WWOX: variants seen among roughly 807,000 people sequenced by gnomAD.
The protein encoded by WWOX is WW domain containing oxidoreductase.
Under a neutral mutation model 46.2 loss-of-function variants are expected in WWOX, and 69 were observed. That is an observed-to-expected ratio of 1.49 (90% CI 1.23 to 1.82). The LOEUF (loss-of-function observed/expected upper bound fraction) is 1.82. Among genes scored for constraint, WWOX ranks in the 40% most tolerant of loss-of-function variants. The pLI, the probability that WWOX is intolerant of heterozygous loss-of-function variation, is 0.00. For synonymous variants in WWOX, 359 were observed against 202.6 expected (o/e 1.77, Z -6.56); for missense variants, 919 against 542.6 (o/e 1.69, Z -6.89).
intron 8 of WWOX, among the ~76,000 whole-genome samples, chr16:78,820,348 G>GCCCTGAAT (rs2051460247): frequency 6.6e-6 from 1 of 152,174 alleles, no homozygotes; most frequent in East Asian, 1.9e-4. Flanking sequence ...TGGAAGTGGT[G>GCCCTGAAT]CCCTGAATAC....
At chr16:78,711,272 T>TA (rs2048439481) in intron 8 of WWOX, among the ~76,000 whole-genome samples, 1 of 152,176 alleles carries the variant, frequency 6.6e-6, no homozygotes, top group South Asian at 2.1e-4. Context: ...ATATATACGT[T>TA]AAAAAATATC....
intron 8 of WWOX, among the ~76,000 whole-genome samples, chr16:78,570,230 G>C (rs1208828049): frequency 1.3e-5 from 2 of 152,172 alleles, no homozygotes; most frequent in African/African-American, 4.8e-5. Flanking sequence ...CTACGGGTCT[G>C]GGGCCCAAGT....
chr16:79,046,739 C>A (rs1165769800), intron 8 of WWOX, among the ~76,000 whole-genome samples: 1 of 152,306 alleles, frequency 6.6e-6, no homozygotes, highest in African/African-American at 2.4e-5. Context: ...CCACCTCTTT[C>A]TCTCAAAAAG....
chr16:78,542,845 C>T (rs1429416170), intron 8 of WWOX, among the ~76,000 whole-genome samples: 1 of 152,144 alleles, frequency 6.6e-6, no homozygotes, highest in Non-Finnish European at 1.5e-5. Flanking sequence ...ATGGGATTCT[C>T]AGTTAAAACC....
intron 6 of WWOX, among the ~76,000 whole-genome samples, chr16:78,423,019 G>T (rs1241894848): frequency 6.6e-6 from 1 of 151,720 alleles, no homozygotes; most frequent in African/African-American, 2.4e-5. Context: ...CCAAGTAGCT[G>T]GGATTACAGG....
chr16:78,381,274 C>G (rs2081951871), intron 5 of WWOX, among the ~76,000 whole-genome samples: 1 of 152,084 alleles, frequency 6.6e-6, no homozygotes, highest in African/African-American at 2.4e-5. Flanking sequence ...AACAAGAAAC[C>G]CCTTTGATTC....
chr16:78,946,237 A>G (rs2045945904), intron 8 of WWOX, among the ~76,000 whole-genome samples: 1 of 151,892 alleles, frequency 6.6e-6, no homozygotes, highest in Admixed American at 6.6e-5. Flanking sequence ...GTCGCCCAGG[A>G]TGGAGTACAG....
At chr16:78,580,127 G>A (rs929634175) in intron 8 of WWOX, among the ~76,000 whole-genome samples, 5 of 150,608 alleles carry the variant, frequency 3.3e-5, no homozygotes, top group African/African-American at 1.2e-4. Flanking sequence ...AGGCTGGAGT[G>A]CAGTGGTGCA....
Position 78,950,765 on chromosome 16 carries a change from A to G in WWOX, c.1057-260843A>G, listed in dbSNP as rs947282139. Among the ~76,000 whole-genome samples the G allele has an allele frequency of 3.3e-5, 5 of 152,168 alleles. No homozygotes were observed. In the East Asian group the frequency reaches 9.6e-4, roughly 29 times the overall value. On this transcript the variant is annotated intron_variant, in intron 8 of 8. Coordinates refer to ENST00000566780, the MANE Select transcript of WWOX (RefSeq NM_016373.4). ...GAGTTTTCAAATGAAATCTGGAATGATCTACTGGCATCATGCCTAGGACTT... is the reference window on the plus strand; with the variant it reads ...GAGTTTTCAAATGAAATCTGGAATGGTCTACTGGCATCATGCCTAGGACTT...
chr16:78,204,912 T>C lies in WWOX; in HGVS notation c.516+40623T>C, dbSNP rs573860206. Among the ~76,000 whole-genome samples, 11 of 152,336 alleles carry C rather than the reference T, an allele frequency of 7.2e-5. No individual in the cohort carries two copies. The East Asian group carries it at 1.9e-3, about 27-fold the overall frequency. On this transcript the variant is annotated intron_variant, in intron 5 of 8. Coordinates refer to ENST00000566780, the MANE Select transcript of WWOX (RefSeq NM_016373.4). ...CACCATATTTTCTAAGATCAGAGAA[T>C]AGAGAATTTTAAATTCTAGATTCTT...
chr16:78,275,278 G>C (rs1302570467), intron 5 of WWOX, among the ~76,000 whole-genome samples: 1 of 152,098 alleles, frequency 6.6e-6, no homozygotes, highest in African/African-American at 2.4e-5. Flanking sequence ...TAAAAAACTG[G>C]AAGGTCTGGC....
chr16:78,347,949 G>C (rs1289172087), intron 5 of WWOX, among the ~76,000 whole-genome samples: 2 of 122,244 alleles, frequency 1.6e-5, no homozygotes, highest in Non-Finnish European at 3.9e-5. Context: ...CGGTATGAAG[G>C]CTCGCCTGAA....
At chr16:79,023,239 G>C (rs559019664) in intron 8 of WWOX, among the ~76,000 whole-genome samples, 1 of 152,202 alleles carries the variant, frequency 6.6e-6, no homozygotes, top group Admixed American at 6.5e-5. Flanking sequence ...CTGTCAAGCT[G>C]TGTAATAAAA....
At chr16:78,611,343 A>G (rs545228917) in intron 8 of WWOX, among the ~76,000 whole-genome samples, 1 of 152,326 alleles carries the variant, frequency 6.6e-6, no homozygotes, top group Admixed American at 6.5e-5. Context: ...AAAAATAACA[A>G]AACTACAGGA....
chr16:79,117,587 C>T (rs538189566), intron 8 of WWOX, among the ~76,000 whole-genome samples: 1 of 152,224 alleles, frequency 6.6e-6, no homozygotes, highest in East Asian at 1.9e-4. Context: ...CTTCTCCTCC[C>T]TAGCTCTCAA....
At chr16:79,118,659 G>A (rs1306062504) in intron 8 of WWOX, among the ~76,000 whole-genome samples, 4 of 152,146 alleles carry the variant, frequency 2.6e-5, no homozygotes, top group Admixed American at 2.0e-4. Context: ...TTAAAAAGAA[G>A]GAAGAAAATC....
At chr16:78,476,782 A>T (rs16947649) in intron 8 of WWOX, among the ~76,000 whole-genome samples, 8,019 of 152,198 alleles carry the variant, frequency 0.053, 494 homozygotes, top group African/African-American at 0.15. Context: ...TCTAAGGGCT[A>T]AGTAGCCAAC....
intron 8 of WWOX, among the ~76,000 whole-genome samples, chr16:78,500,641 G>C (rs983651932): frequency 6.6e-6 from 1 of 152,100 alleles, no homozygotes; most frequent in Admixed American, 6.6e-5. Context: ...TAAAATGGGG[G>C]GCTTAGCTTG....
In WWOX at chr16:78,899,904, A is replaced by G. The variant is rs369076239; in HGVS notation, c.1057-311704A>G. Reference sequence around the variant, plus strand: ...CCATTAACACTTGTTCCTCTCTGTCAGGACATAAATTAAGTCTGCAGGTGT... The same window carrying G: ...CCATTAACACTTGTTCCTCTCTGTCGGGACATAAATTAAGTCTGCAGGTGT... On this transcript the variant is annotated intron_variant, in intron 8 of 8. Coordinates refer to ENST00000566780, the MANE Select transcript of WWOX (RefSeq NM_016373.4). 7.2e-5 allele frequency among the ~76,000 whole-genome samples: 11 copies of G among 152,288 alleles called. No individual in the cohort carries two copies. In the East Asian group the frequency reaches 2.1e-3, roughly 29 times the overall value.
Sources: gnomAD v4.1 joint callset for allele counts (sites outside exome capture counted in the v4.1 genomes callset) on GRCh38, gnomAD v4.1.1 for gene constraint, MANE v1.5 for transcripts, NCBI Gene and HGNC (gene_info 2026-07-23, HGNC 2026-07-21) for gene names.